LGR6: variants seen among roughly 807,000 people sequenced by gnomAD.
LGR6 encodes the protein leucine rich repeat containing G protein-coupled receptor 6, also known as leucine-rich repeat-containing G protein-coupled receptor 6.
In LGR6, 45 loss-of-function variants were observed where a neutral mutation model predicts 69.4. That is an observed-to-expected ratio of 0.65 (90% CI 0.51 to 0.83). The LOEUF is 0.83. Ranked by LOEUF, LGR6 falls within the 40% of genes least tolerant of loss-of-function variation. The pLI is 0.00. For missense variants in LGR6, 1,108 were observed against 1,246.7 expected, an observed-to-expected ratio of 0.89 and a Z score of 1.68; for synonymous variants, 538 against 555.0, an observed-to-expected ratio of 0.97 and a Z score of 0.43.
intron 4 of LGR6, among the ~76,000 whole-genome samples, chr1:202,266,500 C>T (rs187809706): frequency 6.8e-6 from 1 of 147,530 alleles, no homozygotes; most frequent in African/African-American, 2.5e-5. Flanking sequence ...TCTTTCTCAA[C>T]CCAGACTTCC....
chr1:202,313,772 A>G (rs1266855464), intron 16 of LGR6, among the ~76,000 whole-genome samples: 3 of 152,238 alleles, frequency 2.0e-5, no homozygotes, highest in Non-Finnish European at 2.9e-5. Context: ...CATTCATATA[A>G]TGTATATAAA....
In LGR6 at chr1:202,237,948, A is replaced by G. The variant is rs1661728565; in HGVS notation, c.428+1955A>G. 2.0e-5 allele frequency among the ~76,000 whole-genome samples: 3 copies of G among 150,894 alleles called. No homozygotes were observed. The South Asian group carries it at 6.3e-4, about 32-fold the overall frequency. On this transcript the variant is annotated intron_variant, in intron 4 of 17. Coordinates refer to ENST00000367278, the MANE Select transcript of LGR6 (RefSeq NM_001017403.2). ...CTTCCCTGCCTCACAGGGTGTTGGG[A>G]AGATCAAATATATAGTCAATGTGAG...
In LGR6 at chr1:202,197,235, T is replaced by G. The variant is rs570766486; in HGVS notation, c.212+3034T>G. 3.7e-5 allele frequency: 16 copies of G among 430,304 alleles called. No homozygotes were observed. The East Asian group carries it at 6.4e-4, about 17-fold the overall frequency. 26.7% of individuals were successfully genotyped at this position (430,304 alleles called of 1,614,324 possible). ...TAGCCAATACCTTTCATGAGGTAGG[T>G]GCTTCCACCTCTCCATCTTGGTTCT... On this transcript the variant is annotated intron_variant, in intron 1 of 17. Transcript: ENST00000367278.
chr1:202,279,905 C>T (rs1665874560), intron 5 of LGR6, among the ~76,000 whole-genome samples: 1 of 152,154 alleles, frequency 6.6e-6, no homozygotes, highest in African/African-American at 2.4e-5. Flanking sequence ...TCTACTGTGT[C>T]ATTTTTCCTT....
chr1:202,225,286 G>A, intron 1 of LGR6, 137 bp from the exon 2 acceptor site: 3 of 745,924 alleles, frequency 4.0e-6, no homozygotes, highest in Non-Finnish European at 7.2e-6. Flanking sequence ...TTGTCAGACT[G>A]GCTTTGGAGT....
chr1:202,220,738 G>A (rs567894969), intron 1 of LGR6, among the ~76,000 whole-genome samples: 27 of 151,984 alleles, frequency 1.8e-4, no homozygotes, highest in African/African-American at 6.5e-4. Context: ...CGGGGTTCTG[G>A]GAGCACCTCA....
rs1236913873 is a variant in LGR6 at position 202,314,815 on chromosome 1, G to T, written c.1581G>T (p.Leu527=). The change falls in exon 17 of 18, where the codon CTG becomes CTT. Residue 527 remains leucine (L), a synonymous_variant. Coordinates refer to ENST00000367278, the MANE Select transcript of LGR6 (RefSeq NM_001017403.2). Reference sequence around the variant, plus strand: ...CTCTCCTTTCAGATGACCAGGACCTGGATGAGCTCCAGCTGGAGATGGAGG... The same window carrying T: ...CTCTCCTTTCAGATGACCAGGACCTTGATGAGCTCCAGCTGGAGATGGAGG... ...RQAENHYDQD[L]DELQLEMEDS... is the part of the protein sequence containing the mutation. 1.2e-6 allele frequency: 2 copies of T among 1,613,876 alleles called. No homozygotes were observed. Among genetic ancestry groups the T allele is most frequent in the East Asian group, 4.5e-5 (2 of 44,884 alleles).
intron 4 of LGR6, among the ~76,000 whole-genome samples, chr1:202,253,998 G>A (rs966748589): frequency 6.6e-6 from 1 of 150,976 alleles, no homozygotes; most frequent in African/African-American, 2.4e-5. Context: ...GTAGAGACGG[G>A]GTTTCACCGT....
intron 4 of LGR6, among the ~76,000 whole-genome samples, chr1:202,275,852 G>A (rs1309541614): frequency 1.3e-5 from 2 of 152,162 alleles, no homozygotes; most frequent in East Asian, 3.9e-4. Flanking sequence ...GAGAGCAAGG[G>A]TAATATGGCA....
At position 202,207,370 on chromosome 1, in the gene LGR6, G is replaced by A. The variant is rs187321869; in HGVS notation, c.212+13169G>A. Among the ~76,000 whole-genome samples the A allele has an allele frequency of 2.0e-5, 3 of 152,318 alleles. No individual in the cohort carries two copies. The East Asian group carries it at 5.8e-4, about 29-fold the overall frequency. ...GAGGTGGCCCCAGGACTAGAGGGGAGACTGAGCAACCTTGGGTTGGAGGTG... is the reference window on the plus strand; with the variant it reads ...GAGGTGGCCCCAGGACTAGAGGGGAAACTGAGCAACCTTGGGTTGGAGGTG... On this transcript the variant is annotated intron_variant, in intron 1 of 17. Transcript: ENST00000367278.
At chr1:202,230,642 AT>A (rs35110379) in intron 3 of LGR6, among the ~76,000 whole-genome samples, 2 of 152,146 alleles carry the variant, frequency 1.3e-5, no homozygotes, top group Non-Finnish European at 2.9e-5. Flanking sequence ...GTGGGGATGC[AT>A]GTGTGCGTGT....
intron 4 of LGR6, among the ~76,000 whole-genome samples, chr1:202,252,765 G>C (rs1014416049): frequency 1.3e-5 from 2 of 152,250 alleles, no homozygotes; most frequent in Non-Finnish European, 2.9e-5. Context: ...TCCATGCCCA[G>C]CCCATGGCAG....
intron 1 of LGR6, among the ~76,000 whole-genome samples, chr1:202,199,588 T>G (rs1658766835): frequency 8.8e-6 from 1 of 113,278 alleles, no homozygotes; most frequent in Admixed American, 9.1e-5. Flanking sequence ...CACCCCGCCT[T>G]CCCCCCATTC....
At position 202,306,986 on chromosome 1, in the gene LGR6, C is replaced by T. The variant is rs749695302; in HGVS notation, c.1208+47C>T. ...TGGGCCATGGAGGAGCCACCGTGTC[C>T]CTCTGCTAGGCATGCTCATTGTCAT... On this transcript the variant is annotated intron_variant, in intron 13 of 17. Transcript: ENST00000367278. 18 of 1,498,898 alleles carry T rather than the reference C, an allele frequency of 1.2e-5. No individual in the cohort carries two copies. The African/African-American group carries it at 1.9e-4, about 16-fold the overall frequency. The allele number at this position is 1,498,898 out of a possible 1,614,324, so 92.8% of individuals were successfully genotyped here.
At chr1:202,291,923 G>A (rs755157535) in intron 6 of LGR6, among the ~76,000 whole-genome samples, 1 of 152,172 alleles carries the variant, frequency 6.6e-6, no homozygotes, top group Non-Finnish European at 1.5e-5. Context: ...AAAGTTCCAA[G>A]AGAGTGAGTG....
At chr1:202,303,231 T>A (rs375154137) in intron 9 of LGR6, 48 bp from the exon 10 acceptor site, 1 of 1,366,236 alleles carries the variant, frequency 7.3e-7, no homozygotes, top group Admixed American at 1.7e-5. Flanking sequence ...GTCTTGATGT[T>A]GAGATGCTCT....
intron 9 of LGR6, among the ~76,000 whole-genome samples, chr1:202,302,253 A>G (rs1365364208): frequency 1.3e-5 from 2 of 152,196 alleles, no homozygotes; most frequent in African/African-American, 4.8e-5. Flanking sequence ...CACGTTCATT[A>G]CGGCATTTCA....
At chr1:202,305,787 C>T (rs371499769) in intron 12 of LGR6, 38 bp downstream of exon 12, 1 of 1,574,252 alleles carries the variant, frequency 6.4e-7, no homozygotes, top group Non-Finnish European at 8.7e-7. Flanking sequence ...AGCACGCCAG[C>T]CAGACCCTGA....
intron 4 of LGR6, among the ~76,000 whole-genome samples, chr1:202,256,533 G>A (rs555827220): frequency 4.3e-4 from 65 of 152,314 alleles, no homozygotes; most frequent in Non-Finnish European, 7.4e-4. Flanking sequence ...GTGAGCCACC[G>A]CGCCTGACCA....
Sources: gnomAD v4.1 joint callset for allele counts (sites outside exome capture counted in the v4.1 genomes callset) on GRCh38, gnomAD v4.1.1 for gene constraint, MANE v1.5 for transcripts, NCBI Gene and HGNC (gene_info 2026-07-23, HGNC 2026-07-21) for gene names.